Variants in TMEM178B observed in about 807,000 individuals in gnomAD.
The protein encoded by TMEM178B is transmembrane protein 178B.
In TMEM178B, 5 loss-of-function variants were observed where a neutral mutation model predicts 31.0. The observed-to-expected ratio is 0.16, with a 90% CI of 0.08 to 0.34. The LOEUF (loss-of-function observed/expected upper bound fraction) is 0.34. Among genes scored for constraint, TMEM178B ranks in the 10% least tolerant of loss-of-function variants. The pLI, the probability that TMEM178B is intolerant of heterozygous loss-of-function variation, is 1.00. For missense variants in TMEM178B, 275 were observed against 400.3 expected, an observed-to-expected ratio of 0.69 and a Z score of 2.67; for synonymous variants, 164 against 164.0, an observed-to-expected ratio of 1.00 and a Z score of 0.00.
chr7:141,328,665 G>A (rs1311579501), intron 2 of TMEM178B, among the ~76,000 whole-genome samples: 1 of 152,214 alleles, frequency 6.6e-6, no homozygotes, highest in African/African-American at 2.4e-5. Context: ...CTTCTGCTCA[G>A]AAGACGTTGA....
At chr7:141,140,242 A>G (rs1795748832) in intron 1 of TMEM178B, among the ~76,000 whole-genome samples, 1 of 152,172 alleles carries the variant, frequency 6.6e-6, no homozygotes, top group South Asian at 2.1e-4. Flanking sequence ...GGGCCTTTGC[A>G]TGAACTGTTT....
the TMEM178B span, among the ~76,000 whole-genome samples, chr7:141,507,273 C>T: frequency 2.6e-5 from 4 of 152,260 alleles, no homozygotes; most frequent in Non-Finnish European, 5.9e-5. Flanking sequence ...TTCTGCACTG[C>T]CCTAGCAGAG....
At chr7:141,152,561 G>C (rs1367683904) in intron 1 of TMEM178B, among the ~76,000 whole-genome samples, 2 of 152,226 alleles carry the variant, frequency 1.3e-5, no homozygotes, top group African/African-American at 4.8e-5. Flanking sequence ...TCCTGACTGG[G>C]ATACTTAGGA....
chr7:141,333,458 T>C (rs1799330481), intron 2 of TMEM178B, among the ~76,000 whole-genome samples: 1 of 152,244 alleles, frequency 6.6e-6, no homozygotes, highest in African/African-American at 2.4e-5. Context: ...TGAATATTTA[T>C]TGTACACCCA....
At chr7:141,492,831 C>T in the TMEM178B span, among the ~76,000 whole-genome samples, 1 of 152,180 alleles carries the variant, frequency 6.6e-6, no homozygotes, top group Non-Finnish European at 1.5e-5. Context: ...CCATTCAAAC[C>T]ACCACCTCCC....
intron 2 of TMEM178B, among the ~76,000 whole-genome samples, chr7:141,421,890 A>G (rs994930528): frequency 3.3e-5 from 5 of 151,648 alleles, no homozygotes; most frequent in Admixed American, 3.3e-4. Flanking sequence ...CTGAGCTGCC[A>G]TATCCATTCC....
chr7:141,392,662 C>A (rs2116606694), intron 2 of TMEM178B, among the ~76,000 whole-genome samples: 1 of 152,154 alleles, frequency 6.6e-6, no homozygotes, highest in South Asian at 2.1e-4. Context: ...GTTTCTTTTT[C>A]CAAACCGGAA....
intron 2 of TMEM178B, among the ~76,000 whole-genome samples, chr7:141,275,500 A>G (rs1420934499): frequency 1.3e-5 from 2 of 152,162 alleles, no homozygotes; most frequent in Non-Finnish European, 2.9e-5. Context: ...CCTATAAGAT[A>G]GTTGGCAATA....
intron 3 of TMEM178B, among the ~76,000 whole-genome samples, chr7:141,468,065 G>T (rs1240289878): frequency 6.6e-6 from 1 of 151,054 alleles, no homozygotes; most frequent in African/African-American, 2.4e-5. Flanking sequence ...TCAATTCTTT[G>T]GTTATTGGTA....
At chr7:141,288,929 G>A (rs1321731134) in intron 2 of TMEM178B, among the ~76,000 whole-genome samples, 1 of 152,126 alleles carries the variant, frequency 6.6e-6, no homozygotes, top group Non-Finnish European at 1.5e-5. Context: ...ATCCCTCTGG[G>A]CTAACAGCCT....
chr7:141,339,595 T>C (rs1257664096), intron 2 of TMEM178B, among the ~76,000 whole-genome samples: 1 of 152,110 alleles, frequency 6.6e-6, no homozygotes, highest in African/African-American at 2.4e-5. Context: ...AAATATAAAA[T>C]GGAATAGAAA....
intron 3 of TMEM178B, among the ~76,000 whole-genome samples, chr7:141,463,457 T>A (rs1802096973): frequency 6.6e-6 from 1 of 152,214 alleles, no homozygotes; most frequent in African/African-American, 2.4e-5. Context: ...GTCACTGGAA[T>A]TCTGTCTTCC....
intron 1 of TMEM178B, among the ~76,000 whole-genome samples, chr7:141,198,454 A>G (rs181775006): frequency 8.4e-4 from 128 of 152,356 alleles, no homozygotes; most frequent in Middle Eastern, 3.4e-3. Flanking sequence ...AAGAAGCAGG[A>G]ATGACGAATT....
At chr7:141,134,848 G>A (rs1795650914) in intron 1 of TMEM178B, among the ~76,000 whole-genome samples, 1 of 152,182 alleles carries the variant, frequency 6.6e-6, no homozygotes, top group Non-Finnish European at 1.5e-5. Flanking sequence ...TGCTGATATG[G>A]TTTTGTTCTG....
Position 141,307,692 on chromosome 7 carries a change from G to A in TMEM178B, c.496+94988G>A, listed in dbSNP as rs554591816. Among the ~76,000 whole-genome samples, 14 of 152,374 alleles carry A rather than the reference G, an allele frequency of 9.2e-5. No homozygotes were observed. In the South Asian group the frequency reaches 2.5e-3, roughly 27 times the overall value. On this transcript the variant is annotated intron_variant, in intron 2 of 3. Transcript: ENST00000565468. Reference sequence around the variant, plus strand: ...TTCCTAAAAATGGGATAAATAGGAAGTAAGAAAACACTTGCTTTCAATCTT... The same window carrying A: ...TTCCTAAAAATGGGATAAATAGGAAATAAGAAAACACTTGCTTTCAATCTT...
intron 2 of TMEM178B, among the ~76,000 whole-genome samples, chr7:141,330,798 G>A (rs1033073180): frequency 2.6e-5 from 4 of 152,142 alleles, no homozygotes; most frequent in East Asian, 1.9e-4. Flanking sequence ...TATATGTTTC[G>A]CTGGAGGTGA....
intron 2 of TMEM178B, among the ~76,000 whole-genome samples, chr7:141,333,746 C>T (rs1799335433): frequency 1.3e-5 from 2 of 152,200 alleles, no homozygotes; most frequent in Admixed American, 6.5e-5. Flanking sequence ...GATAATTTTT[C>T]CGTGGACTGG....
intron 2 of TMEM178B, among the ~76,000 whole-genome samples, chr7:141,266,362 G>A (rs1798094384): frequency 6.6e-6 from 1 of 152,200 alleles, no homozygotes; most frequent in South Asian, 2.1e-4. Flanking sequence ...GGAATGTTGA[G>A]TAGAGAGAGA....
chr7:141,301,952 A>C (rs1315089384), intron 2 of TMEM178B, among the ~76,000 whole-genome samples: 1 of 152,198 alleles, frequency 6.6e-6, no homozygotes, highest in African/African-American at 2.4e-5. Flanking sequence ...GAGGCTGGGT[A>C]CAGTAAAAAG....
Sources: gnomAD v4.1 joint callset for allele counts (sites outside exome capture counted in the v4.1 genomes callset) on GRCh38, gnomAD v4.1.1 for gene constraint, MANE v1.5 for transcripts, NCBI Gene and HGNC (gene_info 2026-07-23, HGNC 2026-07-21) for gene names.